ARHGAP44: variants seen among roughly 807,000 people sequenced by gnomAD.
The protein encoded by ARHGAP44 is Rho GTPase activating protein 44, also known as rho GTPase-activating protein 44.
ARHGAP44 carries 43 observed loss-of-function variants against 106.8 expected under a neutral mutation model. The ratio of observed to expected loss-of-function variants is 0.40; its 90% CI spans 0.32 to 0.52. The LOEUF is 0.52. Among genes scored for constraint, ARHGAP44 ranks in the 20% least tolerant of loss-of-function variants. The pLI, the probability that ARHGAP44 is intolerant of heterozygous loss-of-function variation, is 0.48. For missense variants in ARHGAP44, 866 were observed against 1,050.5 expected, an observed-to-expected ratio of 0.82 and a Z score of 2.43; for synonymous variants, 439 against 410.3, an observed-to-expected ratio of 1.07 and a Z score of -0.85.
intron 2 of ARHGAP44, among the ~76,000 whole-genome samples, chr17:12,895,620 AT>A (rs1221872532): frequency 6.6e-6 from 1 of 152,176 alleles, no homozygotes; most frequent in Non-Finnish European, 1.5e-5. Context: ...GCTGGAGAGG[AT>A]GTGGAAAATA....
At chr17:12,909,397 A>G (rs1453270463) in intron 4 of ARHGAP44, among the ~76,000 whole-genome samples, 1 of 152,208 alleles carries the variant, frequency 6.6e-6, no homozygotes, top group Non-Finnish European at 1.5e-5. Context: ...ACGAAAAATA[A>G]TAGAACTATA....
chr17:12,861,644 C>CTTTTTTTTTTTT lies in ARHGAP44; in HGVS notation c.54-33293_54-33282dup, dbSNP rs71144930. Among the ~76,000 whole-genome samples the CTTTTTTTTTTTT allele has an allele frequency of 2.1e-3, 144 of 67,586 alleles. 6 individuals are homozygous for CTTTTTTTTTTTT. Among genetic ancestry groups the CTTTTTTTTTTTT allele is most frequent in the South Asian group, 0.011 (17 of 1,528 alleles). 44.3% of individuals were successfully genotyped at this position (67,586 alleles called of 152,430 possible). A position where few individuals can be genotyped will look rare whatever the true frequency, so the allele number is the denominator to read the frequency against. ...AATTCCTCTTCTGCCTCCTCTTCCA[C>CTTTTTTTTTTTT]TTTTTTTTTTTTTTGAGATGGAATC... On this transcript the variant is annotated intron_variant, in intron 1 of 20. Transcript: ENST00000379672.
At chr17:12,927,546 G>A (rs1333039708) in intron 6 of ARHGAP44, among the ~76,000 whole-genome samples, 2 of 152,182 alleles carry the variant, frequency 1.3e-5, no homozygotes, top group Non-Finnish European at 2.9e-5. Context: ...TATGCTGTTA[G>A]CCTGCATGGT....
chr17:12,850,772 G>A (rs1322450889), intron 1 of ARHGAP44, among the ~76,000 whole-genome samples: 1 of 152,204 alleles, frequency 6.6e-6, no homozygotes, highest in Admixed American at 6.5e-5. Flanking sequence ...GGTATTTTGT[G>A]TTCACTGCTG....
intron 1 of ARHGAP44, among the ~76,000 whole-genome samples, chr17:12,799,457 A>G (rs1034272616): frequency 6.6e-6 from 1 of 152,142 alleles, no homozygotes; most frequent in African/African-American, 2.4e-5. Flanking sequence ...GTCAGTGCTA[A>G]AGGTAAAAGA....
intron 1 of ARHGAP44, among the ~76,000 whole-genome samples, chr17:12,817,319 C>A (rs1306726562): frequency 6.6e-6 from 1 of 151,996 alleles, no homozygotes; most frequent in Non-Finnish European, 1.5e-5. Context: ...ATGGATACCC[C>A]ATTTACCCTG....
chr17:12,989,592 C>G (rs2040058670), intron 20 of ARHGAP44, among the ~76,000 whole-genome samples: 1 of 152,178 alleles, frequency 6.6e-6, no homozygotes, highest in African/African-American at 2.4e-5. Flanking sequence ...GACACTGGCT[C>G]AGGGTTCCCC....
chr17:12,974,691 C>G (rs1479883425), intron 18 of ARHGAP44, among the ~76,000 whole-genome samples: 3 of 152,138 alleles, frequency 2.0e-5, no homozygotes, highest in African/African-American at 7.2e-5. Context: ...CTGATAGTCC[C>G]AAGCCCTATA....
At chr17:12,924,724 ATCTC>A (rs1224801116) in intron 6 of ARHGAP44, among the ~76,000 whole-genome samples, 1 of 152,074 alleles carries the variant, frequency 6.6e-6, no homozygotes, top group Non-Finnish European at 1.5e-5. Flanking sequence ...AGAAAGAGTG[ATCTC>A]TCTCTCTACA....
At chr17:12,888,912 T>C (rs2036960898) in intron 1 of ARHGAP44, among the ~76,000 whole-genome samples, 1 of 152,292 alleles carries the variant, frequency 6.6e-6, no homozygotes, top group East Asian at 1.9e-4. Flanking sequence ...TACTTCTGCC[T>C]TTTTGGATCA....
intron 1 of ARHGAP44, among the ~76,000 whole-genome samples, chr17:12,841,903 T>C (rs530332755): frequency 6.6e-6 from 1 of 152,090 alleles, no homozygotes; most frequent in Admixed American, 6.6e-5. Flanking sequence ...CATATAGTTA[T>C]GCAAACACGT....
chr17:12,984,983 G>C, intron 20 of ARHGAP44, 75 bp downstream of exon 20: 1 of 1,503,694 alleles, frequency 6.7e-7, no homozygotes. Context: ...GATTGCTAGT[G>C]TTACTGCCAG....
At chr17:12,843,156 T>C (rs1452451074) in intron 1 of ARHGAP44, among the ~76,000 whole-genome samples, 1 of 151,890 alleles carries the variant, frequency 6.6e-6, no homozygotes, top group Non-Finnish European at 1.5e-5. Flanking sequence ...TTCTGCCCTA[T>C]TATTGCAGCT....
chr17:12,857,935 A>G (rs2150860914), intron 1 of ARHGAP44, among the ~76,000 whole-genome samples: 1 of 152,258 alleles, frequency 6.6e-6, no homozygotes, highest in Non-Finnish European at 1.5e-5. Context: ...CTAATAAGCT[A>G]GACCACCTTA....
intron 19 of ARHGAP44, chr17:12,980,948 G>C (rs1280891480): frequency 6.6e-6 from 1 of 152,148 alleles, no homozygotes; most frequent in East Asian, 1.9e-4. Context: ...TCCTGGATTT[G>C]TCGAATAGGG....
At chr17:12,837,697 A>G (rs1597914048) in intron 1 of ARHGAP44, among the ~76,000 whole-genome samples, 1 of 152,024 alleles carries the variant, frequency 6.6e-6, no homozygotes, top group East Asian at 1.9e-4. Context: ...GTTAACAATG[A>G]CTTTCTGGGA....
intron 4 of ARHGAP44, among the ~76,000 whole-genome samples, chr17:12,909,532 C>A (rs1434113815): frequency 6.6e-6 from 1 of 151,946 alleles, no homozygotes; most frequent in Non-Finnish European, 1.5e-5. Context: ...AGAGAACTTT[C>A]CAAAATTATG....
At chr17:12,852,648 TCTC>T (rs1354747773) in intron 1 of ARHGAP44, among the ~76,000 whole-genome samples, 12 of 151,838 alleles carry the variant, frequency 7.9e-5, no homozygotes, top group Non-Finnish European at 7.4e-5. Context: ...TTCACGCCGT[TCTC>T]CTGCCTCAGC....
chr17:12,849,265 A>AAGGCCC (rs1433668696), intron 1 of ARHGAP44, among the ~76,000 whole-genome samples: 1 of 151,842 alleles, frequency 6.6e-6, no homozygotes, highest in Non-Finnish European at 1.5e-5. Context: ...TATTCTGTAT[A>AAGGCCC]AGGCTGTTTT....
Sources: allele counts gnomAD v4.1 joint callset (sites outside exome capture counted in the v4.1 genomes callset), GRCh38; gene constraint gnomAD v4.1.1; transcripts MANE v1.5; gene names NCBI Gene and HGNC (gene_info 2026-07-23, HGNC 2026-07-21).